Variants in EGFLAM observed in about 807,000 individuals in gnomAD.
The protein encoded by EGFLAM is pikachurin.
In EGFLAM, 79 loss-of-function variants were observed where a neutral mutation model predicts 113.1. The ratio of observed to expected loss-of-function variants is 0.70; its 90% CI spans 0.58 to 0.84. EGFLAM has a LOEUF of 0.84. Among genes scored for constraint, EGFLAM ranks in the 40% least tolerant of loss-of-function variants. The pLI is 0.00. For missense variants in EGFLAM, 1,265 were observed against 1,291.6 expected, an observed-to-expected ratio of 0.98 and a Z score of 0.32; for synonymous variants, 504 against 487.6, an observed-to-expected ratio of 1.03 and a Z score of -0.44.
At chr5:38,295,755 A>G (rs1387138615) in intron 1 of EGFLAM, among the ~76,000 whole-genome samples, 1 of 152,226 alleles carries the variant, frequency 6.6e-6, no homozygotes, top group Non-Finnish European at 1.5e-5. Context: ...TGTGGTAGGA[A>G]AAAATGCTTG....
At chr5:38,438,175 C>A in intron 16 of EGFLAM, 100 bp from the exon 17 acceptor site, 22 of 1,122,854 alleles carry the variant, frequency 2.0e-5, no homozygotes, top group Non-Finnish European at 2.1e-5. Context: ...TTTTTTCAAT[C>A]TCCCTATGTG....
Position 38,454,189 on chromosome 5 carries a change from G to A in EGFLAM, c.2687+2731G>A, listed in dbSNP as rs76533436. Among the ~76,000 whole-genome samples, 829 of 152,254 alleles carry A rather than the reference G, an allele frequency of 5.4e-3. 3 individuals carry two copies. Among genetic ancestry groups the A allele is most frequent in the African/African-American group, 0.018 (765 of 41,548 alleles). ...CGATGCTGATGTAGGGAAGCGTACC[G>A]GCGGGCTGGGGACAGAGAGGAATTC... On this transcript the variant is annotated intron_variant, in intron 19 of 21. Coordinates refer to ENST00000322350, the MANE Select transcript of EGFLAM (RefSeq NM_152403.4).
chr5:38,334,921 T>C (rs1739144878), intron 1 of EGFLAM, among the ~76,000 whole-genome samples: 1 of 152,194 alleles, frequency 6.6e-6, no homozygotes, highest in Admixed American at 6.5e-5. Flanking sequence ...TGGGGAGCAT[T>C]TGGTAATGTG....
At chr5:38,305,588 T>C (rs1758700982) in intron 1 of EGFLAM, 2 of 322,472 alleles carry the variant, frequency 6.2e-6, no homozygotes, top group Non-Finnish European at 1.3e-5. Flanking sequence ...ATTTACTAGA[T>C]AGAAAAGGCA....
At chr5:38,394,704 G>A (rs1262534841) in intron 6 of EGFLAM, among the ~76,000 whole-genome samples, 13 of 125,468 alleles carry the variant, frequency 1.0e-4, no homozygotes, top group East Asian at 4.6e-4. Context: ...CCACCGCGCC[G>A]GGCCCACTTT....
At chr5:38,396,278 G>T (rs1740960003) in intron 6 of EGFLAM, among the ~76,000 whole-genome samples, 2 of 150,286 alleles carry the variant, frequency 1.3e-5, no homozygotes, top group African/African-American at 5.0e-5. Flanking sequence ...GAGAGAGAGA[G>T]AACCCACCAA....
chr5:38,269,472 G>A (rs1458616772), intron 1 of EGFLAM, among the ~76,000 whole-genome samples: 2 of 150,910 alleles, frequency 1.3e-5, no homozygotes, highest in African/African-American at 4.9e-5. Context: ...TGATACAGTT[G>A]GTTGAACCAC....
At chr5:38,410,068 G>A (rs1741429541) in intron 10 of EGFLAM, among the ~76,000 whole-genome samples, 1 of 152,216 alleles carries the variant, frequency 6.6e-6, no homozygotes, top group Non-Finnish European at 1.5e-5. Context: ...TCATGGGGCT[G>A]TTGTGAGGGT....
intron 1 of EGFLAM, among the ~76,000 whole-genome samples, chr5:38,312,054 T>G (rs1738457811): frequency 1.3e-5 from 2 of 152,204 alleles, no homozygotes; most frequent in Non-Finnish European, 2.9e-5. Context: ...TTTTCTCATT[T>G]ATAATGCGGT....
intron 6 of EGFLAM, among the ~76,000 whole-genome samples, chr5:38,385,770 G>A (rs1740643739): frequency 6.6e-6 from 1 of 152,084 alleles, no homozygotes; most frequent in Non-Finnish European, 1.5e-5. Context: ...TTCACTAATG[G>A]GCTTAAAATC....
intron 17 of EGFLAM, among the ~76,000 whole-genome samples, chr5:38,443,142 T>G (rs1742602406): frequency 6.6e-6 from 1 of 152,118 alleles, no homozygotes. Context: ...GGTGCATGCC[T>G]GTAATCCCAG....
intron 1 of EGFLAM, among the ~76,000 whole-genome samples, chr5:38,278,849 G>C (rs1757952142): frequency 6.6e-6 from 1 of 151,746 alleles, no homozygotes; most frequent in South Asian, 2.1e-4. Context: ...CCAACAAAAG[G>C]AAAAAGACAA....
chr5:38,358,962 G>T (rs1739847404), intron 5 of EGFLAM, among the ~76,000 whole-genome samples: 1 of 152,148 alleles, frequency 6.6e-6, no homozygotes, highest in Non-Finnish European at 1.5e-5. Context: ...TTTCTAAAGT[G>T]ACACTAAAAA....
Position 38,319,584 on chromosome 5 carries a change from C to G in EGFLAM, c.98-17936C>G, listed in dbSNP as rs574777033. Among the ~76,000 whole-genome samples the G allele has an allele frequency of 2.0e-5, 3 of 152,084 alleles. No individual in the cohort carries two copies. The South Asian group carries it at 6.2e-4, about 32-fold the overall frequency. ...AACATGGAGAGTCATATCTGGAACA[C>G]AGAGAGAGGAGGTGTGAACAACACT... is the stretch of plus-strand genomic sequence containing the variant. On this transcript the variant is annotated intron_variant, in intron 1 of 21. Transcript: ENST00000322350.
intron 12 of EGFLAM, among the ~76,000 whole-genome samples, chr5:38,419,323 G>C (rs762480759): frequency 6.6e-6 from 1 of 152,130 alleles, no homozygotes; most frequent in African/African-American, 2.4e-5. Context: ...ACTCTGGGTC[G>C]ATATCCCTAT....
At chr5:38,297,348 C>T (rs1334967635) in intron 1 of EGFLAM, among the ~76,000 whole-genome samples, 1 of 152,092 alleles carries the variant, frequency 6.6e-6, no homozygotes, top group East Asian at 1.9e-4. Flanking sequence ...TGAGAGAGGT[C>T]AGGGATCTTA....
At chr5:38,408,562 T>G (rs1480892653) in intron 9 of EGFLAM, among the ~76,000 whole-genome samples, 3 of 152,198 alleles carry the variant, frequency 2.0e-5, no homozygotes, top group Non-Finnish European at 4.4e-5. Context: ...GGCTGAGCTA[T>G]TCTTACCATC....
At chr5:38,379,230 G>A (rs1033236991) in intron 6 of EGFLAM, among the ~76,000 whole-genome samples, 1 of 152,122 alleles carries the variant, frequency 6.6e-6, no homozygotes, top group African/African-American at 2.4e-5. Flanking sequence ...GTTAATAACT[G>A]AGTGTATGAA....
chr5:38,371,596 C>T (rs1018897759), intron 6 of EGFLAM, among the ~76,000 whole-genome samples: 2 of 151,718 alleles, frequency 1.3e-5, no homozygotes, highest in African/African-American at 4.8e-5. Context: ...GGCTATACTC[C>T]AAAACACACA....
Sources: allele counts gnomAD v4.1 joint callset (sites outside exome capture counted in the v4.1 genomes callset), GRCh38; gene constraint gnomAD v4.1.1; transcripts MANE v1.5; gene names NCBI Gene and HGNC (gene_info 2026-07-23, HGNC 2026-07-21).